Variants in CCDC158 observed in about 807,000 individuals in gnomAD.
CCDC158 encodes the protein coiled-coil domain-containing protein 158.
Under a neutral mutation model 138.6 loss-of-function variants are expected in CCDC158, and 116 were observed. The observed-to-expected ratio is 0.84, with a 90% CI of 0.72 to 0.98. CCDC158 has a LOEUF of 0.98. CCDC158 is among the 50% of genes least tolerant of loss of function. The probability of loss-of-function intolerance (pLI) is 0.00; values close to 1 mark genes in which losing one functional copy is unlikely to be tolerated. For synonymous variants in CCDC158, 436 were observed against 442.4 expected (o/e 0.99, Z 0.18); for missense variants, 1,265 against 1,306.1 (o/e 0.97, Z 0.48).
At chr4:76,333,349 T>C (rs889434505) in intron 19 of CCDC158, among the ~76,000 whole-genome samples, 1 of 152,132 alleles carries the variant, frequency 6.6e-6, no homozygotes, top group South Asian at 2.1e-4. Context: ...AAAATATATA[T>C]ACCATATTAA....
chr4:76,408,648 C>T (rs1041123035), intron 2 of CCDC158, among the ~76,000 whole-genome samples: 3 of 152,138 alleles, frequency 2.0e-5, no homozygotes, highest in African/African-American at 2.4e-5. Flanking sequence ...AATAAAAACA[C>T]GTGTTCATGT....
intron 15 of CCDC158, among the ~76,000 whole-genome samples, chr4:76,354,099 G>C (rs1266148182): frequency 1.3e-5 from 2 of 151,974 alleles, no homozygotes; most frequent in African/African-American, 2.4e-5. Context: ...CTTTTTGTTT[G>C]GAGGGAATAT....
chr4:76,344,588 G>A (rs1284159860), intron 18 of CCDC158: 10 of 1,247,646 alleles, frequency 8.0e-6, no homozygotes, highest in Middle Eastern at 2.5e-4. Context: ...TTGATCCCTC[G>A]CTTCAGGTTG....
At chr4:76,371,649 G>T (rs1033512392) in intron 9 of CCDC158, 113 bp from the exon 10 acceptor site, 9 of 1,307,956 alleles carry the variant, frequency 6.9e-6, no homozygotes, top group Non-Finnish European at 9.4e-6. Context: ...ATAAAAGTTC[G>T]TTGTGAGGCT....
At chr4:76,377,481 C>A (rs1725822140) in intron 9 of CCDC158, among the ~76,000 whole-genome samples, 1 of 152,178 alleles carries the variant, frequency 6.6e-6, no homozygotes, top group Admixed American at 6.5e-5. Flanking sequence ...CCACTAGACC[C>A]AAGTGAAAAA....
chr4:76,410,433 C>T lies in CCDC158; in HGVS notation c.-74+1657G>A, dbSNP rs186107991. Among the ~76,000 whole-genome samples, 419 of 152,292 alleles carry T rather than the reference C, an allele frequency of 2.8e-3. 2 individuals are homozygous for T. Among genetic ancestry groups the T allele is most frequent in the African/African-American group, 9.1e-3 (380 of 41,566 alleles). On this transcript the variant is annotated intron_variant, in intron 2 of 24. Transcript: ENST00000682701. ...CTCCTGGCCTCAAGTGATCCACCCA[C>T]CTCAGCCTCCCAAAGTGCTGGGATT... is the stretch of plus-strand genomic sequence containing the variant.
At chr4:76,319,432 CAAAAAAAAAAAAAAAAAA>C (rs71659321) in intron 24 of CCDC158, among the ~76,000 whole-genome samples, 13 of 23,942 alleles carry the variant, frequency 5.4e-4, no homozygotes, top group African/African-American at 2.4e-3. Flanking sequence ...GACTCCGTAT[CAAAAAAAAAAAAAAAAAA>C]AAAAAAAAAA....
chr4:76,333,976 T>C (rs1560794708), intron 19 of CCDC158, 34 bp downstream of exon 19: 15 of 1,477,524 alleles, frequency 1.0e-5, no homozygotes, highest in Non-Finnish European at 1.4e-5. Flanking sequence ...ATTCAAGAGA[T>C]GAGCTTTCCC....
intron 24 of CCDC158, among the ~76,000 whole-genome samples, chr4:76,322,751 T>C (rs1407995682): frequency 4.6e-5 from 7 of 152,226 alleles, no homozygotes; most frequent in East Asian, 1.9e-4. Flanking sequence ...TTAGAACTTA[T>C]GCCCAAAAAG....
chr4:76,337,774 A>G (rs952573182), intron 18 of CCDC158, among the ~76,000 whole-genome samples: 2 of 152,136 alleles, frequency 1.3e-5, no homozygotes, highest in Non-Finnish European at 2.9e-5. Flanking sequence ...AAATGGTTCT[A>G]AAATATAGTT....
At chr4:76,318,978 A>G (rs1719675886) in intron 24 of CCDC158, among the ~76,000 whole-genome samples, 1 of 152,142 alleles carries the variant, frequency 6.6e-6, no homozygotes, top group Non-Finnish European at 1.5e-5. Flanking sequence ...GAATACAAAA[A>G]TTAGCTGGGA....
chr4:76,401,223 C>T (rs968950522), intron 3 of CCDC158: 6 of 362,440 alleles, frequency 1.7e-5, no homozygotes, highest in Non-Finnish European at 2.7e-5. Flanking sequence ...GAAAAACAAA[C>T]TTCTTCGCCA....
At chr4:76,400,601 A>AC (rs143839058) in intron 3 of CCDC158, among the ~76,000 whole-genome samples, 4 of 139,458 alleles carry the variant, frequency 2.9e-5, no homozygotes, top group Non-Finnish European at 4.7e-5. Context: ...CCCACCCACC[A>AC]CCCCCCCAAA....
At chr4:76,401,483 A>C in intron 3 of CCDC158, 1 of 269,362 alleles carries the variant, frequency 3.7e-6, no homozygotes, top group Non-Finnish European at 7.3e-6. Context: ...CCAGCTGCAG[A>C]TCTAAGAGAA....
intron 18 of CCDC158, among the ~76,000 whole-genome samples, chr4:76,348,823 T>C (rs1047907959): frequency 2.0e-5 from 3 of 151,934 alleles, no homozygotes; most frequent in African/African-American, 7.3e-5. Context: ...TAAAGACATA[T>C]AAGGCATGAT....
intron 4 of CCDC158, among the ~76,000 whole-genome samples, chr4:76,392,486 GA>G (rs1247011920): frequency 6.6e-6 from 1 of 151,294 alleles, no homozygotes; most frequent in Non-Finnish European, 1.5e-5. Context: ...ACACTTACAA[GA>G]TCAACATAAT....
intron 24 of CCDC158, among the ~76,000 whole-genome samples, chr4:76,320,229 T>G (rs1281988511): frequency 6.6e-6 from 1 of 152,116 alleles, no homozygotes; most frequent in Non-Finnish European, 1.5e-5. Context: ...GGAATATACC[T>G]AACCAAGGAG....
chr4:76,332,526 A>C (rs773482044), intron 19 of CCDC158, 35 bp from the exon 20 acceptor site: 2 of 1,473,642 alleles, frequency 1.4e-6, no homozygotes, highest in Admixed American at 1.9e-5. Context: ...TTAATCATAT[A>C]AAGCACAATT....
At chr4:76,316,945 C>T (rs1719454924) in intron 24 of CCDC158, among the ~76,000 whole-genome samples, 1 of 135,740 alleles carries the variant, frequency 7.4e-6, no homozygotes, top group Non-Finnish European at 1.6e-5. Context: ...TTCACCAGTA[C>T]CAAACCATCA....
Sources: allele counts gnomAD v4.1 joint callset (sites outside exome capture counted in the v4.1 genomes callset), GRCh38; gene constraint gnomAD v4.1.1; transcripts MANE v1.5; gene names NCBI Gene and HGNC (gene_info 2026-07-23, HGNC 2026-07-21).